FANCD2OS: variants seen among roughly 807,000 people sequenced by gnomAD.
FANCD2OS encodes FANCD2 opposite strand.
A neutral mutation model predicts 13.2 loss-of-function variants in FANCD2OS; 11 were observed. That is an observed-to-expected ratio of 0.83 (90% CI 0.52 to 1.38). The LOEUF is 1.38. Ranked by LOEUF, FANCD2OS falls within the 40% of genes most tolerant of loss-of-function variation. The pLI, the probability that FANCD2OS is intolerant of heterozygous loss-of-function variation, is 0.00. For missense variants in FANCD2OS, 217 were observed against 213.9 expected (o/e 1.01, Z -0.09); for synonymous variants, 69 against 84.5 (o/e 0.82, Z 1.01).
At chr3:10,100,357 C>T (rs1470507977), downstream of FANCD2OS, among the ~76,000 whole-genome samples, 2 of 152,134 alleles carry the variant, frequency 1.3e-5, no homozygotes, top group African/African-American at 2.4e-5. Context: ...TACTGGATTC[C>T]TGTTGAGATA....
At chr3:10,093,136 C>G in intron 2 of FANCD2OS, 1 of 669,366 alleles carries the variant, frequency 1.5e-6, no homozygotes. Flanking sequence ...TTACTTTATT[C>G]TGCTTTGTAA....
chr3:10,092,070 G>A, intron 2 of FANCD2OS: 1 of 846,676 alleles, frequency 1.2e-6, no homozygotes, highest in South Asian at 1.3e-5. Context: ...AAGGATAATT[G>A]GCTTAAATAT....
chr3:10,093,293 T>C, intron 2 of FANCD2OS: 2 of 1,613,618 alleles, frequency 1.2e-6, no homozygotes, highest in South Asian at 2.2e-5. Flanking sequence ...AGGTATTTGA[T>C]AGTCATCCTG....
At chr3:10,083,990 C>T (rs1694014877) in intron 2 of FANCD2OS, among the ~76,000 whole-genome samples, 1 of 151,448 alleles carries the variant, frequency 6.6e-6, no homozygotes, top group African/African-American at 2.4e-5. Context: ...AACTTGTTTC[C>T]CATGCTTTTG....
intron 2 of FANCD2OS, among the ~76,000 whole-genome samples, chr3:10,090,542 C>A (rs138480262): frequency 6.7e-6 from 1 of 149,152 alleles, no homozygotes; most frequent in East Asian, 2.0e-4. Context: ...TCACTGCAAC[C>A]TCACCTCCTG....
chr3:10,085,725 G>T, intron 2 of FANCD2OS: 1 of 871,422 alleles, frequency 1.1e-6, no homozygotes, highest in Non-Finnish European at 2.0e-6. Flanking sequence ...AACTATTGAT[G>T]GTACAGACTG....
At chr3:10,085,988 T>G in intron 2 of FANCD2OS, 1 of 1,064,052 alleles carries the variant, frequency 9.4e-7, no homozygotes, top group Non-Finnish European at 1.5e-6. Flanking sequence ...ATTGGCAACT[T>G]TCTTTAAAAT....
chr3:10,101,304 C>T (rs762706688), downstream of FANCD2OS: 2 of 1,423,062 alleles, frequency 1.4e-6, no homozygotes, highest in Admixed American at 3.4e-5. Context: ...CTCTGCCAGC[C>T]TGTGATCATT....
intron 1 of FANCD2OS, among the ~76,000 whole-genome samples, chr3:10,105,918 A>G (rs1695486653): frequency 6.6e-6 from 1 of 150,590 alleles, no homozygotes; most frequent in African/African-American, 2.4e-5. Context: ...TCAGACCAAC[A>G]GGAACAAACT....
chr3:10,088,285 A>G (rs1190358061), intron 2 of FANCD2OS, among the ~76,000 whole-genome samples: 1 of 152,200 alleles, frequency 6.6e-6, no homozygotes, highest in Non-Finnish European at 1.5e-5. Context: ...GGGCCAGTGG[A>G]TCAGGAACGT....
At chr3:10,095,028 A>G (rs1310808048) in intron 2 of FANCD2OS, 4 of 650,624 alleles carry the variant, frequency 6.1e-6, no homozygotes, top group Non-Finnish European at 1.1e-5. Flanking sequence ...GAGAGTTGAG[A>G]ATAAGAGGTA....
rs1286828812 is a variant in FANCD2OS, at chr3:10,105,770, A to T, written c.-8-988T>A. ...CATCTAAAAAAAAAAAAAAAAAAAA[A>T]ATTATATATATATATATATATATAT... On this transcript the variant is annotated intron_variant, in intron 1 of 1. Coordinates refer to ENST00000450660, the MANE Select transcript of FANCD2OS (RefSeq NM_001164839.2). Among the ~76,000 whole-genome samples, 355 of 30,318 alleles carry T rather than the reference A, an allele frequency of 0.012. 22 individuals carry two copies. In the African/African-American group the frequency reaches 0.13, roughly 11 times the overall value. The allele number at this position is 30,318 out of a possible 152,430, so 19.9% of individuals were successfully genotyped here.
chr3:10,105,800 ATATATATATATATATATATATTT>A (rs1695479715), intron 1 of FANCD2OS, among the ~76,000 whole-genome samples: 1 of 84,940 alleles, frequency 1.2e-5, no homozygotes, highest in Non-Finnish European at 2.2e-5. Context: ...ATATATATAT[ATATATATATATATATATATATTT>A]TGAGGTTCGC....
In FANCD2OS at chr3:10,104,793, G is replaced by A. The variant is rs1331109721; in HGVS notation, c.-8-11C>T. 2.6e-6 allele frequency: 4 copies of A among 1,534,930 alleles called. No homozygotes were observed. The highest frequency in any genetic ancestry group is 2.8e-5 in the African/African-American group (2 of 72,562). On this transcript the variant is annotated splice_polypyrimidine_tract_variant and intron_variant, in intron 1 of 1. Coordinates refer to ENST00000450660, the MANE Select transcript of FANCD2OS (RefSeq NM_001164839.2). ...CTGCCATTGACAGTCCTAAAGGAGG[G>A]AAATCAGAGCATGGAATTTCCCTGA...
At position 10,087,141 on chromosome 3, in the gene FANCD2OS, G is replaced by A. The variant is rs200800132; in HGVS notation, c.*44-5610C>T. ...TTTCTTGTCTCCTTACAGCCAGAGC[G>A]TCCATTACTTGCAGAATTTCCATCA... On this transcript the variant is annotated intron_variant, in intron 2 of 2. Coordinates refer to the FANCD2OS transcript ENST00000524279. 56 of 1,614,020 alleles carry A rather than the reference G, an allele frequency of 3.5e-5. 1 individual carries two copies. The highest frequency in any genetic ancestry group is 3.3e-4 in the Middle Eastern group (2 of 6,062).
At chr3:10,086,057 ATG>A in intron 2 of FANCD2OS, 1 of 696,496 alleles carries the variant, frequency 1.4e-6, no homozygotes, top group Non-Finnish European at 2.7e-6. Context: ...CTCCTCATAT[ATG>A]AGCTTTCTCA....
In FANCD2OS at chr3:10,089,069, A is replaced by T. The variant is rs1575846580; in HGVS notation, c.*44-7538T>A. 3 of 1,166,192 alleles carry T rather than the reference A, an allele frequency of 2.6e-6. No individual in the cohort carries two copies. The East Asian group carries it at 7.3e-5, about 28-fold the overall frequency. The allele number at this position is 1,166,192 out of a possible 1,614,324, so 72.2% of individuals were successfully genotyped here. A position where few individuals can be genotyped will look rare whatever the true frequency, so the allele number is the denominator to read the frequency against. ...AGGCTGAGGCAGGAGGATCACCTTG[A>T]GGTCAGGAGTTTTGAGACCCACTTG... On this transcript the variant is annotated intron_variant, in intron 2 of 2. Coordinates refer to the FANCD2OS transcript ENST00000524279.
intron 2 of FANCD2OS, among the ~76,000 whole-genome samples, chr3:10,092,550 C>T (rs374597517): frequency 1.6e-4 from 24 of 151,942 alleles, no homozygotes; most frequent in South Asian, 1.2e-3. Flanking sequence ...ATGATCTGAG[C>T]GCACATTCCC....
chr3:10,094,245 T>G, intron 2 of FANCD2OS: 1,070 of 1,460,122 alleles, frequency 7.3e-4, no homozygotes, highest in Non-Finnish European at 9.5e-4. Flanking sequence ...GGCCTTTCAG[T>G]GAGATACCTC....
Sources: gnomAD v4.1 joint callset for allele counts (sites outside exome capture counted in the v4.1 genomes callset) on GRCh38, gnomAD v4.1.1 for gene constraint, MANE v1.5 for transcripts, NCBI Gene and HGNC (gene_info 2026-07-23, HGNC 2026-07-21) for gene names.